The following FLT1 variants were observed in gnomAD, a reference collection of about 807,000 sequenced individuals.
The protein encoded by FLT1 is vascular endothelial growth factor receptor 1.
In FLT1, 49 loss-of-function variants were observed where a neutral mutation model predicts 156.3. That is an observed-to-expected ratio of 0.31 (90% CI 0.25 to 0.40). The LOEUF (loss-of-function observed/expected upper bound fraction) is 0.40. Among genes scored for constraint, FLT1 ranks in the 10% least tolerant of loss-of-function variants. The probability of loss-of-function intolerance (pLI) is 1.00; values close to 1 mark genes in which losing one functional copy is unlikely to be tolerated. For missense variants in FLT1, 1,322 were observed against 1,637.2 expected (o/e 0.81, Z 3.32); for synonymous variants, 594 against 583.8 (o/e 1.02, Z -0.25).
At chr13:28,490,716 C>T (rs1881426199) in intron 1 of FLT1, among the ~76,000 whole-genome samples, 1 of 152,170 alleles carries the variant, frequency 6.6e-6, no homozygotes, top group Admixed American at 6.5e-5. Context: ...CCAAATGCCA[C>T]AGATGGTCTA....
intron 15 of FLT1, among the ~76,000 whole-genome samples, chr13:28,351,282 T>C (rs1008948817): frequency 2.6e-5 from 4 of 152,166 alleles, no homozygotes; most frequent in African/African-American, 9.7e-5. Flanking sequence ...TTATTGCCCA[T>C]TAACCTGTTA....
chr13:28,494,872 G>T lies in FLT1; in HGVS notation c.-29C>A. ...GAGCGCGACGCGGCCTGCTCGCCCG[G>T]TGCCCGCGCTCCCCGCGGCCAACGA... On this transcript the variant is annotated 5_prime_UTR_variant, in exon 1 of 30. Coordinates refer to ENST00000282397, the MANE Select transcript of FLT1 (RefSeq NM_002019.4). 6.6e-7 allele frequency: 1 copy of T among 1,514,364 alleles called. No homozygotes were observed. Among genetic ancestry groups the T allele is most frequent in the Non-Finnish European group, 8.8e-7 (1 of 1,135,384 alleles). 93.8% of individuals were successfully genotyped at this position (1,514,364 alleles called of 1,614,324 possible).
rs576370312 is a variant in FLT1 at position 28,302,766 on chromosome 13, C to A, written c.*401G>T. On this transcript the variant is annotated 3_prime_UTR_variant, in exon 30 of 30. Transcript: ENST00000282397. ...TCAGGCCAGCCAGTGATCCCTGGGG[C>A]TAACGGGCTTGTTGCCCTGGGTTTT... The A allele has an allele frequency of 3.3e-4, 85 of 260,436 alleles. 1 individual carries two copies. The South Asian group carries it at 0.01, about 31-fold the overall frequency. 16.1% of individuals were successfully genotyped at this position (260,436 alleles called of 1,614,324 possible).
At position 28,306,760 on chromosome 13, in the gene FLT1, C is replaced by T. The variant is rs372046832; in HGVS notation, c.3733G>A (p.Asp1245Asn). ...GGAGAGGCCAACAGAGTGCTGCTGT[C>T]GCCCTGGTAGTCCTAGGGGGAGAAG... ...ATSMFDDYQG[D>N]SSTLLASPML... The change falls in exon 29 of 30, where the codon GAC becomes AAC. Residue 1245 changes from aspartate to asparagine, a missense_variant. Transcript: ENST00000282397. 11 of 1,613,010 alleles carry T rather than the reference C, an allele frequency of 6.8e-6. No individual in the cohort carries two copies. Among genetic ancestry groups the T allele is most frequent in the Non-Finnish European group, 7.6e-6 (9 of 1,179,184 alleles).
chr13:28,348,482 G>T (rs1872635400), intron 15 of FLT1, among the ~76,000 whole-genome samples: 1 of 152,116 alleles, frequency 6.6e-6, no homozygotes, highest in African/African-American at 2.4e-5. Context: ...TTTGGCTTTT[G>T]CTATTTCTCT....
At chr13:28,467,181 C>T (rs774986506) in intron 2 of FLT1, 52 bp from the exon 3 acceptor site, 8 of 1,323,210 alleles carry the variant, frequency 6.0e-6, no homozygotes, top group Non-Finnish European at 7.6e-6. Context: ...GCCCTAGGCT[C>T]AGCACCAGTT....
intron 16 of FLT1, among the ~76,000 whole-genome samples, chr13:28,340,173 C>G (rs1456044174): frequency 6.6e-6 from 1 of 151,230 alleles, no homozygotes; most frequent in Non-Finnish European, 1.5e-5. Flanking sequence ...CAAGATGGCA[C>G]CACTGCACTC....
intron 28 of FLT1, among the ~76,000 whole-genome samples, chr13:28,307,153 C>T (rs1405615362): frequency 6.6e-6 from 1 of 152,188 alleles, no homozygotes; most frequent in Non-Finnish European, 1.5e-5. Context: ...CCATCATAGA[C>T]ACAAATTCTA....
intron 20 of FLT1, among the ~76,000 whole-genome samples, chr13:28,323,790 G>T (rs1285402987): frequency 6.6e-6 from 1 of 152,174 alleles, no homozygotes; most frequent in Non-Finnish European, 1.5e-5. Context: ...TGTGCTTGGT[G>T]CTTCACTCTG....
chr13:28,307,018 G>C (rs1181536575), intron 28 of FLT1, among the ~76,000 whole-genome samples: 1 of 152,150 alleles, frequency 6.6e-6, no homozygotes, highest in Admixed American at 6.5e-5. Context: ...TTAGGCAAAA[G>C]GGGAAATGGC....
intron 10 of FLT1, among the ~76,000 whole-genome samples, chr13:28,410,077 C>T (rs1245077077): frequency 6.6e-6 from 1 of 152,234 alleles, no homozygotes; most frequent in Non-Finnish European, 1.5e-5. Flanking sequence ...ATCCAACACT[C>T]AATGAAGTAT....
chr13:28,389,887 A>G lies in FLT1; in HGVS notation c.1878T>C (p.Val626=). 6.2e-7 allele frequency: 1 copy of G among 1,614,144 alleles called. No homozygotes were observed. Among genetic ancestry groups the G allele is most frequent in the Non-Finnish European group, 8.5e-7 (1 of 1,180,022 alleles). ...CATAGGTGCCTGAATCTTGCAGGGA[A>G]ACATTCATGATGGTAAGATTAAGAG... The part of the protein sequence containing the change: ...SITLNLTIMN[V]SLQDSGTYAC... The change falls in exon 13 of 30, where the codon GTT becomes GTC. Residue 626 remains valine, a synonymous_variant. Transcript: ENST00000282397.
At chr13:28,424,428 C>A (rs1877217964) in intron 10 of FLT1, among the ~76,000 whole-genome samples, 1 of 152,044 alleles carries the variant, frequency 6.6e-6, no homozygotes, top group Admixed American at 6.6e-5. Context: ...AAACTTAGCT[C>A]GCCTTCATAG....
chr13:28,371,401 G>A (rs1286305511), intron 14 of FLT1, among the ~76,000 whole-genome samples: 5 of 152,038 alleles, frequency 3.3e-5, no homozygotes, highest in East Asian at 3.9e-4. Context: ...GAAGTCTCTC[G>A]CTGTCTCACT....
chr13:28,312,711 T>C (rs1397281848), intron 25 of FLT1, among the ~76,000 whole-genome samples: 3 of 152,158 alleles, frequency 2.0e-5, no homozygotes, highest in Non-Finnish European at 4.4e-5. Context: ...ACTTTGTCAC[T>C]TCCAGAAGGT....
At position 28,483,746 on chromosome 13, in the gene FLT1, A is replaced by T. The variant is rs76531954; in HGVS notation, c.64+11034T>A. On this transcript the variant is annotated intron_variant, in intron 1 of 29. Transcript: ENST00000282397. The stretch of plus-strand genomic sequence containing the variant: ...ACTGTACAAGGACTGCCAATCAAAC[A>T]GGGAAATCAAAGTGACTGACAGTAA... Among the ~76,000 whole-genome samples the T allele has an allele frequency of 3.8e-4, 58 of 152,348 alleles. No homozygotes were observed. The East Asian group carries it at 0.01, about 27-fold the overall frequency.
intron 15 of FLT1, among the ~76,000 whole-genome samples, chr13:28,349,356 T>G (rs1256183868): frequency 1.3e-5 from 2 of 152,064 alleles, no homozygotes; most frequent in Non-Finnish European, 2.9e-5. Context: ...GGGAAGATTG[T>G]AAGCTCAAGT....
At chr13:28,365,265 G>A (rs368635984) in intron 14 of FLT1, among the ~76,000 whole-genome samples, 74 of 152,024 alleles carry the variant, frequency 4.9e-4, no homozygotes, top group African/African-American at 1.6e-3. Context: ...TTGTTGTTAT[G>A]CAAAATAGTA....
At chr13:28,352,814 G>C (rs1459429000) in intron 15 of FLT1, among the ~76,000 whole-genome samples, 1 of 152,206 alleles carries the variant, frequency 6.6e-6, no homozygotes, top group African/African-American at 2.4e-5. Context: ...TGCCAGGATA[G>C]TCATAGGAGT....
Sources: allele counts gnomAD v4.1 joint callset (sites outside exome capture counted in the v4.1 genomes callset), GRCh38; gene constraint gnomAD v4.1.1; transcripts MANE v1.5; gene names NCBI Gene and HGNC (gene_info 2026-07-23, HGNC 2026-07-21).